Variants in TOX observed in about 807,000 individuals in gnomAD.
The protein encoded by TOX is thymocyte selection associated high mobility group box, also known as thymocyte selection-associated high mobility group box protein TOX.
In TOX, 11 loss-of-function variants were observed where a neutral mutation model predicts 53.7. The observed-to-expected ratio is 0.20, with a 90% CI of 0.13 to 0.34. TOX has a LOEUF of 0.34. Ranked by LOEUF, TOX falls within the 10% of genes least tolerant of loss-of-function variation. The pLI is 1.00. For synonymous variants in TOX, 225 were observed against 245.3 expected, an observed-to-expected ratio of 0.92 and a Z score of 0.77; for missense variants, 570 against 664.6, an observed-to-expected ratio of 0.86 and a Z score of 1.56.
At chr8:59,086,597 G>A (rs1426554767) in intron 1 of TOX, among the ~76,000 whole-genome samples, 3 of 152,160 alleles carry the variant, frequency 2.0e-5, no homozygotes, top group Non-Finnish European at 4.4e-5. Flanking sequence ...AAACTGCTCT[G>A]AATCAAATTA....
intron 6 of TOX, among the ~76,000 whole-genome samples, chr8:58,823,837 G>A (rs1430169041): frequency 7.2e-5 from 11 of 152,204 alleles, no homozygotes; most frequent in Non-Finnish European, 4.4e-5. Context: ...CTGTGACTAT[G>A]ACATGGCCAC....
intron 3 of TOX, among the ~76,000 whole-genome samples, chr8:58,883,022 G>C (rs530499533): frequency 6.6e-6 from 1 of 152,084 alleles, no homozygotes; most frequent in Non-Finnish European, 1.5e-5. Flanking sequence ...ACACACACAC[G>C]TACACGACCC....
intron 1 of TOX, among the ~76,000 whole-genome samples, chr8:58,994,107 G>A (rs540023684): frequency 6.6e-6 from 1 of 152,300 alleles, no homozygotes; most frequent in Admixed American, 6.5e-5. Flanking sequence ...ACTGGAAATA[G>A]CCTTCTTTCT....
At chr8:58,911,744 C>A (rs1459449604) in intron 3 of TOX, among the ~76,000 whole-genome samples, 4 of 152,044 alleles carry the variant, frequency 2.6e-5, no homozygotes, top group Admixed American at 2.6e-4. Context: ...ACTTTTGTTG[C>A]CCAGGCTGGA....
chr8:58,977,820 T>A (rs1813131159), intron 1 of TOX, among the ~76,000 whole-genome samples: 1 of 152,214 alleles, frequency 6.6e-6, no homozygotes, highest in African/African-American at 2.4e-5. Context: ...GTGCAGTTCA[T>A]GACACCCCAA....
At chr8:58,887,228 TG>T (rs1366150339) in intron 3 of TOX, among the ~76,000 whole-genome samples, 4 of 151,934 alleles carry the variant, frequency 2.6e-5, no homozygotes, top group Non-Finnish European at 4.4e-5. Flanking sequence ...TTTAGGTTTT[TG>T]TGTTGGTATT....
intron 1 of TOX, among the ~76,000 whole-genome samples, chr8:59,035,528 G>A (rs948582928): frequency 6.6e-6 from 1 of 152,098 alleles, no homozygotes. Flanking sequence ...GTGCATCGAC[G>A]CCCGACACCA....
At chr8:58,912,595 G>T (rs538842643) in intron 3 of TOX, among the ~76,000 whole-genome samples, 3 of 152,208 alleles carry the variant, frequency 2.0e-5, no homozygotes, top group Admixed American at 1.3e-4. Context: ...TGATTGAAAA[G>T]GTCTGGGATA....
chr8:59,045,222 C>A (rs954674253), intron 1 of TOX, among the ~76,000 whole-genome samples: 1 of 152,138 alleles, frequency 6.6e-6, no homozygotes. Flanking sequence ...CCTGCAGACA[C>A]ATCACATTTT....
At chr8:58,972,538 C>T (rs1251624740) in intron 1 of TOX, among the ~76,000 whole-genome samples, 1 of 152,112 alleles carries the variant, frequency 6.6e-6, no homozygotes, top group Non-Finnish European at 1.5e-5. Context: ...TCTCCTATAA[C>T]ATTTTAGTAT....
chr8:59,086,238 G>A (rs1337509991), intron 1 of TOX, among the ~76,000 whole-genome samples: 1 of 152,018 alleles, frequency 6.6e-6, no homozygotes, highest in Non-Finnish European at 1.5e-5. Context: ...ACCTACCTCG[G>A]CCTCCCAAAG....
In TOX at chr8:58,875,642, T is replaced by A. The variant is rs552936469; in HGVS notation, c.412-23837A>T. On this transcript the variant is annotated intron_variant, in intron 3 of 8. Coordinates refer to ENST00000361421, the MANE Select transcript of TOX (RefSeq NM_014729.3). ...TTTAAACCAAAGTTCTGGTTCAGTA[T>A]CTTTGAAATTTTGGTGATATTCCTT... is the stretch of plus-strand genomic sequence containing the variant. Among the ~76,000 whole-genome samples, 3 of 152,302 alleles carry A rather than the reference T, an allele frequency of 2.0e-5. No homozygotes were observed. In the South Asian group the frequency reaches 6.2e-4, roughly 32 times the overall value.
intron 3 of TOX, among the ~76,000 whole-genome samples, chr8:58,936,764 TTC>T (rs936840360): frequency 4.6e-5 from 7 of 152,166 alleles, no homozygotes; most frequent in African/African-American, 1.7e-4. Flanking sequence ...CAAATCTTCT[TTC>T]TCTGAGACCA....
chr8:59,091,075 G>A (rs1804599762), intron 1 of TOX, among the ~76,000 whole-genome samples: 1 of 151,910 alleles, frequency 6.6e-6, no homozygotes, highest in African/African-American at 2.4e-5. Flanking sequence ...ATAACCCCTT[G>A]GGCTCTGTCT....
chr8:58,874,838 T>G (rs1811257887), intron 3 of TOX, among the ~76,000 whole-genome samples: 1 of 152,180 alleles, frequency 6.6e-6, no homozygotes, highest in South Asian at 2.1e-4. Flanking sequence ...CCAGGCCACA[T>G]TTGGAGAAGA....
rs1398059564 is a variant in TOX, at chr8:59,107,058, G to GA, written c.102+11827dup. Among the ~76,000 whole-genome samples, 29 of 112,676 alleles carry GA rather than the reference G, an allele frequency of 2.6e-4. 4 individuals are homozygous for GA. Among genetic ancestry groups the GA allele is most frequent in the African/African-American group, 1.1e-3 (29 of 26,100 alleles). The allele number at this position is 112,676 out of a possible 152,430, so 73.9% of individuals were successfully genotyped here. ...TAAAGCAGTTTGCTGGGGGGGGGGG[G>GA]AACGTGACATTTCTAATTCATTCTG... On this transcript the variant is annotated intron_variant, in intron 1 of 8. Coordinates refer to ENST00000361421, the MANE Select transcript of TOX (RefSeq NM_014729.3).
At chr8:58,865,824 T>C (rs1330595093) in intron 3 of TOX, among the ~76,000 whole-genome samples, 1 of 136,650 alleles carries the variant, frequency 7.3e-6, no homozygotes. Context: ...GTAATGACAG[T>C]GGCTTTTTTT....
intron 3 of TOX, among the ~76,000 whole-genome samples, chr8:58,863,611 T>G (rs563411469): frequency 1.3e-5 from 2 of 152,350 alleles, no homozygotes; most frequent in African/African-American, 4.8e-5. Context: ...TATGATCTGA[T>G]GATGTTTTTA....
At chr8:58,991,799 A>T (rs1813455315) in intron 1 of TOX, 1 of 152,358 alleles carries the variant, frequency 6.6e-6, no homozygotes, top group Admixed American at 6.5e-5. Flanking sequence ...AGCTCCCGTA[A>T]CATGTTGATG....
Sources: allele counts gnomAD v4.1 joint callset (sites outside exome capture counted in the v4.1 genomes callset), GRCh38; gene constraint gnomAD v4.1.1; transcripts MANE v1.5; gene names NCBI Gene and HGNC (gene_info 2026-07-23, HGNC 2026-07-21).